TSPAN11: variants seen among roughly 807,000 people sequenced by gnomAD.
TSPAN11 encodes the protein tetraspanin-11.
A neutral mutation model predicts 32.9 loss-of-function variants in TSPAN11; 29 were observed. The ratio of observed to expected loss-of-function variants is 0.88; its 90% CI spans 0.66 to 1.20. TSPAN11 has a LOEUF of 1.20. TSPAN11 is among the 50% of genes most tolerant of loss of function. The pLI is 0.00. For synonymous variants in TSPAN11, 140 were observed against 141.3 expected, an observed-to-expected ratio of 0.99 and a Z score of 0.07; for missense variants, 283 against 329.1, an observed-to-expected ratio of 0.86 and a Z score of 1.08.
At chr12:31,015,775 C>T in the TSPAN11 span, 88,139 of 152,066 alleles carry the variant, frequency 0.58, 26,714 homozygotes, top group Non-Finnish European at 0.66. This position sits in a 1 kb window ranked among gnomAD's most constrained non-coding sequence, Gnocchi z 4.9. Context: ...AAGCCAGCAG[C>T]CATGTCCCAA....
chr12:31,004,553 C>T, the TSPAN11 span, among the ~76,000 whole-genome samples: 1 of 152,258 alleles, frequency 6.6e-6, no homozygotes, highest in South Asian at 2.1e-4. Flanking sequence ...TCCACTTGCC[C>T]AATGGGGTCC....
intron 2 of TSPAN11, among the ~76,000 whole-genome samples, chr12:30,957,869 C>T (rs1219329071): frequency 2.4e-5 from 3 of 124,498 alleles, no homozygotes; most frequent in Non-Finnish European, 5.3e-5. Flanking sequence ...CCTTCCCTCC[C>T]TCCCTCCCTC....
At chr12:30,944,594 G>A (rs1030667644) in intron 1 of TSPAN11, among the ~76,000 whole-genome samples, 2 of 152,134 alleles carry the variant, frequency 1.3e-5, no homozygotes, top group Admixed American at 6.5e-5. Context: ...TGTCAGCACT[G>A]TTCACAATAG....
intron 3 of TSPAN11, among the ~76,000 whole-genome samples, chr12:30,970,711 G>A (rs920284883): frequency 2.6e-5 from 4 of 152,158 alleles, no homozygotes; most frequent in Admixed American, 6.5e-5. Flanking sequence ...AACCTTTGGC[G>A]TGGTTGCAGC....
intron 2 of TSPAN11, chr12:30,954,830 C>T (rs1248089954): frequency 2.6e-5 from 4 of 152,186 alleles, no homozygotes; most frequent in Non-Finnish European, 5.9e-5. Flanking sequence ...TCCCCAGCTG[C>T]AATTCAATGA....
chr12:30,935,958 C>T (rs1938036837), intron 1 of TSPAN11, among the ~76,000 whole-genome samples: 1 of 152,206 alleles, frequency 6.6e-6, no homozygotes, highest in Admixed American at 6.5e-5. Context: ...GAGAACCAGG[C>T]TCCTGAGTGT....
At chr12:30,996,745 G>A (rs542689741), downstream of TSPAN11, 2 of 152,222 alleles carry the variant, frequency 1.3e-5, no homozygotes, top group Non-Finnish European at 2.9e-5. Flanking sequence ...CATTGGATAG[G>A]GTCCTGCTTA....
intron 3 of TSPAN11, among the ~76,000 whole-genome samples, chr12:30,965,688 T>C (rs1938716583): frequency 6.6e-6 from 1 of 152,238 alleles, no homozygotes; most frequent in Non-Finnish European, 1.5e-5. Flanking sequence ...TTGACATTCA[T>C]GCACATCAAC....
chr12:30,945,504 C>T (rs1039712951), intron 1 of TSPAN11, among the ~76,000 whole-genome samples: 3 of 152,166 alleles, frequency 2.0e-5, no homozygotes, highest in Admixed American at 1.3e-4. Flanking sequence ...CCACCCATCA[C>T]CATTAAAGGA....
chr12:30,936,247 C>A (rs1210922885), intron 1 of TSPAN11, among the ~76,000 whole-genome samples: 1 of 152,206 alleles, frequency 6.6e-6, no homozygotes, highest in Non-Finnish European at 1.5e-5. Context: ...CTCCTTCACA[C>A]ATTTTTCTTC....
the TSPAN11 span, among the ~76,000 whole-genome samples, chr12:31,003,487 G>A: frequency 6.6e-6 from 1 of 152,204 alleles, no homozygotes; most frequent in Non-Finnish European, 1.5e-5. Flanking sequence ...AGGCTCCAGG[G>A]CCAGAGGATG....
At chr12:30,965,749 T>C (rs1448561807) in intron 3 of TSPAN11, among the ~76,000 whole-genome samples, 1 of 152,202 alleles carries the variant, frequency 6.6e-6, no homozygotes, top group Non-Finnish European at 1.5e-5. Flanking sequence ...ACTCTGTGTA[T>C]GGACGGGGAA....
Position 30,974,283 on chromosome 12 carries a change from G to C in TSPAN11, c.277-4278G>C, listed in dbSNP as rs138636818. On this transcript the variant is annotated intron_variant, in intron 3 of 7. Transcript: ENST00000546076. ...ACCTGAAGGTAAATGTGTGACCCAG[G>C]GTTTTGCAACCTCGGCACTGCTGGC... Among the ~76,000 whole-genome samples, 416 of 152,320 alleles carry C rather than the reference G, an allele frequency of 2.7e-3. 4 individuals carry two copies. The highest frequency in any genetic ancestry group is 9.7e-3 in the African/African-American group (404 of 41,566).
chr12:30,977,121 G>A (rs1938989989), intron 3 of TSPAN11, among the ~76,000 whole-genome samples: 1 of 152,156 alleles, frequency 6.6e-6, no homozygotes, highest in South Asian at 2.1e-4. Context: ...CCTTGCTCTT[G>A]GACCACAGTT....
At chr12:31,013,870 T>C in the TSPAN11 span, among the ~76,000 whole-genome samples, 2 of 152,198 alleles carry the variant, frequency 1.3e-5, no homozygotes, top group African/African-American at 4.8e-5. Flanking sequence ...CCACTCAGCA[T>C]TGGAAATGTG....
intron 3 of TSPAN11, among the ~76,000 whole-genome samples, chr12:30,976,405 A>C (rs1158455576): frequency 6.6e-6 from 1 of 152,150 alleles, no homozygotes; most frequent in Non-Finnish European, 1.5e-5. Context: ...CCATCCAGCT[A>C]GAGCCAGCAT....
intron 7 of TSPAN11, among the ~76,000 whole-genome samples, chr12:30,984,754 C>CA (rs1939168518): frequency 6.6e-6 from 1 of 151,976 alleles, no homozygotes; most frequent in Non-Finnish European, 1.5e-5. Flanking sequence ...GCTGAGGTTT[C>CA]ACCATGTTGT....
At chr12:30,967,609 A>ACAT (rs1381036968) in intron 3 of TSPAN11, among the ~76,000 whole-genome samples, 1 of 144,406 alleles carries the variant, frequency 6.9e-6, no homozygotes, top group Non-Finnish European at 1.5e-5. Flanking sequence ...CTAAACAGAC[A>ACAT]CATCAAGGAG....
chr12:30,981,796 A>T (rs1328578043), intron 5 of TSPAN11, among the ~76,000 whole-genome samples: 1 of 152,196 alleles, frequency 6.6e-6, no homozygotes, highest in Non-Finnish European at 1.5e-5. Context: ...TGTTAGCTGA[A>T]CTAAACATAC....
Sources: gnomAD v4.1 joint callset for allele counts (sites outside exome capture counted in the v4.1 genomes callset) on GRCh38, gnomAD v4.1.1 for gene constraint, Gnocchi (gnomAD v3.1) non-coding constraint, MANE v1.5 for transcripts, NCBI Gene and HGNC (gene_info 2026-07-23, HGNC 2026-07-21) for gene names.